Variants in GABBR2 observed in about 807,000 individuals in gnomAD.
The protein encoded by GABBR2 is G-protein coupled receptor 51.
In GABBR2, 23 loss-of-function variants were observed where a neutral mutation model predicts 105.6. The observed-to-expected ratio is 0.22, with a 90% CI of 0.16 to 0.31. The LOEUF is 0.31. Ranked by LOEUF, GABBR2 falls within the 10% of genes least tolerant of loss-of-function variation. The pLI is 1.00. For missense variants in GABBR2, 734 were observed against 1,245.5 expected (o/e 0.59, Z 6.18); for synonymous variants, 478 against 499.7 (o/e 0.96, Z 0.58).
chr9:98,657,862 C>G (rs1186736494), intron 1 of GABBR2, among the ~76,000 whole-genome samples: 1 of 152,220 alleles, frequency 6.6e-6, no homozygotes, highest in Non-Finnish European at 1.5e-5. Context: ...TGTCCTGCCC[C>G]CTGTGAAGAA....
chr9:98,432,261 G>A (rs1169309321), intron 7 of GABBR2, among the ~76,000 whole-genome samples: 1 of 152,212 alleles, frequency 6.6e-6, no homozygotes, highest in East Asian at 1.9e-4. Context: ...TATGGTGAGT[G>A]TGAGAATGAG....
chr9:98,328,844 T>C (rs1830972153), intron 13 of GABBR2, among the ~76,000 whole-genome samples: 1 of 152,152 alleles, frequency 6.6e-6, no homozygotes, highest in Non-Finnish European at 1.5e-5. Flanking sequence ...TCCAGTCGAC[T>C]AGGAGACAGG....
intron 5 of GABBR2, among the ~76,000 whole-genome samples, chr9:98,476,868 G>C (rs140578353): frequency 6.6e-6 from 1 of 152,188 alleles, no homozygotes; most frequent in Non-Finnish European, 1.5e-5. Flanking sequence ...AAAGTAGGGC[G>C]CCTAGATTGC....
chr9:98,422,101 G>A (rs557328125), intron 7 of GABBR2, among the ~76,000 whole-genome samples: 30 of 152,262 alleles, frequency 2.0e-4, no homozygotes, highest in African/African-American at 7.0e-4. Flanking sequence ...TCCATGGAGT[G>A]CCTGAAAATC....
intron 16 of GABBR2, among the ~76,000 whole-genome samples, chr9:98,301,208 T>C (rs918742500): frequency 6.6e-6 from 1 of 152,160 alleles, no homozygotes; most frequent in African/African-American, 2.4e-5. Flanking sequence ...AGGCCTGACT[T>C]ATGACTGGTA....
At chr9:98,589,910 T>C (rs1429198685) in intron 1 of GABBR2, among the ~76,000 whole-genome samples, 1 of 152,072 alleles carries the variant, frequency 6.6e-6, no homozygotes, top group African/African-American at 2.4e-5. Flanking sequence ...GAGACATGTC[T>C]CACTGTGTTG....
intron 1 of GABBR2, among the ~76,000 whole-genome samples, chr9:98,703,877 C>G (rs1341075499): frequency 6.6e-6 from 1 of 151,636 alleles, no homozygotes; most frequent in Non-Finnish European, 1.5e-5. Context: ...ATTTAGTTAA[C>G]TGTATTGAGA....
In GABBR2 at chr9:98,501,949, G is replaced by A. The variant is rs75343045; in HGVS notation, c.631-5435C>T. Among the ~76,000 whole-genome samples, 658 of 152,224 alleles carry A rather than the reference G, an allele frequency of 4.3e-3. 7 individuals are homozygous for A. Among genetic ancestry groups the A allele is most frequent in the African/African-American group, 0.015 (621 of 41,518 alleles). Reference sequence around the variant, plus strand: ...AGCTGTCTGAACAGCAGAGACGAGCGCGTCTGCCCACAACCTCCCTCCCAG... The same window carrying A: ...AGCTGTCTGAACAGCAGAGACGAGCACGTCTGCCCACAACCTCCCTCCCAG... On this transcript the variant is annotated intron_variant, in intron 3 of 18. Coordinates refer to ENST00000259455, the MANE Select transcript of GABBR2 (RefSeq NM_005458.8).
At chr9:98,542,865 G>C (rs548127893) in intron 2 of GABBR2, among the ~76,000 whole-genome samples, 1 of 152,232 alleles carries the variant, frequency 6.6e-6, no homozygotes, top group South Asian at 2.1e-4. Flanking sequence ...TTATTAACTA[G>C]TAGCATATCC....
chr9:98,311,061 C>T (rs773497724), intron 14 of GABBR2, 34 bp downstream of exon 14: 3 of 1,153,746 alleles, frequency 2.6e-6, no homozygotes, highest in Non-Finnish European at 3.9e-6. Context: ...AAAGAAGTGT[C>T]CCCCCTCAAC....
intron 1 of GABBR2, among the ~76,000 whole-genome samples, chr9:98,627,439 A>C (rs1318146952): frequency 3.3e-5 from 5 of 152,248 alleles, no homozygotes; most frequent in Admixed American, 3.3e-4. Context: ...GCTATTCCCC[A>C]GCCTCTTGTT....
At chr9:98,668,685 C>T (rs551680983) in intron 1 of GABBR2, among the ~76,000 whole-genome samples, 141 of 152,312 alleles carry the variant, frequency 9.3e-4, no homozygotes, top group African/African-American at 3.2e-3. Flanking sequence ...ATTCTCCCTC[C>T]TTCTCTGCAG....
chr9:98,633,354 G>T (rs1564136367), intron 1 of GABBR2, among the ~76,000 whole-genome samples: 1 of 152,174 alleles, frequency 6.6e-6, no homozygotes, highest in East Asian at 1.9e-4. Context: ...CAGGCGCAGT[G>T]GCTTACGCCC....
At chr9:98,455,749 C>A (rs1435856963) in intron 6 of GABBR2, among the ~76,000 whole-genome samples, 2 of 152,194 alleles carry the variant, frequency 1.3e-5, no homozygotes, top group African/African-American at 4.8e-5. Flanking sequence ...GTGGGTGGAG[C>A]CCACCGGGGC....
Position 98,395,458 on chromosome 9 carries a change from G to A in GABBR2, c.1298-1203C>T, listed in dbSNP as rs376259111. ...GTCATCGGCATGGAAGATGGGAATC[G>A]GAGTTGGAGGCAGGAATGAGACCCC... On this transcript the variant is annotated intron_variant, in intron 8 of 18. Transcript: ENST00000259455. 1.8e-4 allele frequency among the ~76,000 whole-genome samples: 27 copies of A among 152,192 alleles called. No individual in the cohort carries two copies. The South Asian group carries it at 3.3e-3, about 19-fold the overall frequency.
chr9:98,299,864 A>T (rs184652882), intron 16 of GABBR2, among the ~76,000 whole-genome samples: 1 of 152,240 alleles, frequency 6.6e-6, no homozygotes, highest in African/African-American at 2.4e-5. Context: ...ACTTGCTACT[A>T]TAATAATATT....
chr9:98,701,763 C>T (rs1007800076), intron 1 of GABBR2, among the ~76,000 whole-genome samples: 14 of 152,160 alleles, frequency 9.2e-5, no homozygotes, highest in Non-Finnish European at 1.9e-4. Context: ...TGTCTGCACC[C>T]TCTTCTGCCA....
chr9:98,675,269 A>G (rs4237193), intron 1 of GABBR2, among the ~76,000 whole-genome samples: 140,445 of 152,212 alleles, frequency 0.92, 65,031 homozygotes, highest in Middle Eastern at 0.97. Flanking sequence ...AGCAGGAGCC[A>G]CCATGGATGG....
At chr9:98,514,274 G>C (rs1226370223) in intron 3 of GABBR2, among the ~76,000 whole-genome samples, 3 of 132,862 alleles carry the variant, frequency 2.3e-5, no homozygotes, top group Non-Finnish European at 3.4e-5. Flanking sequence ...GGAGGGGAGA[G>C]GGATAGCATT....
Sources: allele counts gnomAD v4.1 joint callset (sites outside exome capture counted in the v4.1 genomes callset), GRCh38; gene constraint gnomAD v4.1.1; transcripts MANE v1.5; gene names NCBI Gene and HGNC (gene_info 2026-07-23, HGNC 2026-07-21).